Variants in SLC6A6 observed in about 807,000 individuals in gnomAD.
SLC6A6 encodes sodium- and chloride-dependent taurine transporter.
A neutral mutation model predicts 68.8 loss-of-function variants in SLC6A6; 16 were observed. The observed-to-expected ratio is 0.23, with a 90% CI of 0.16 to 0.35. SLC6A6 has a LOEUF of 0.35. Ranked by LOEUF, SLC6A6 falls within the 10% of genes least tolerant of loss-of-function variation. SLC6A6 has a pLI of 1.00. For synonymous variants in SLC6A6, 312 were observed against 315.4 expected (o/e 0.99, Z 0.12); for missense variants, 474 against 802.8 (o/e 0.59, Z 4.95).
At chr3:14,420,265 T>G (rs1699456627) in intron 2 of SLC6A6, among the ~76,000 whole-genome samples, 1 of 152,162 alleles carries the variant, frequency 6.6e-6, no homozygotes, top group Admixed American at 6.5e-5. Context: ...AAACCCCATC[T>G]CTACTAAAAA....
intron 1 of SLC6A6, among the ~76,000 whole-genome samples, chr3:14,415,900 T>G (rs1219194293): frequency 6.6e-6 from 1 of 152,196 alleles, no homozygotes; most frequent in Non-Finnish European, 1.5e-5. Flanking sequence ...CCCTTGGGAA[T>G]AGTCAGGCTA....
chr3:14,412,777 T>C (rs1288216940), intron 1 of SLC6A6, among the ~76,000 whole-genome samples: 4 of 152,192 alleles, frequency 2.6e-5, no homozygotes, highest in Admixed American at 6.5e-5. Flanking sequence ...GAGCCTCCTA[T>C]ACATTAAAAG....
intron 6 of SLC6A6, among the ~76,000 whole-genome samples, chr3:14,463,617 GCCGCCTGT>G (rs915095405): frequency 1.1e-4 from 17 of 152,228 alleles, no homozygotes; most frequent in Non-Finnish European, 1.5e-4. Flanking sequence ...GGGGCGCCTG[GCCGCCTGT>G]CCGCCTGTCC....
chr3:14,478,419 T>A, intron 11 of SLC6A6, 47 bp from the exon 12 acceptor site: 1 of 1,162,452 alleles, frequency 8.6e-7, no homozygotes, highest in Non-Finnish European at 1.3e-6. Context: ...TGAAAGAAAT[T>A]GGAGACCAGG....
Position 14,466,546 on chromosome 3 carries a change from G to A in SLC6A6, c.763G>A (p.Ala255Thr), listed in dbSNP as rs758855513. Residue 255 changes from alanine (A) to threonine (T), a missense_variant, in exon 7 of 15, where the codon GCC becomes ACC. Transcript: ENST00000622186. Reference sequence around the variant, plus strand: ...CTACTTCACAGCCACTTTTCCATTCGCCATGCTCCTGGTGCTGCTGGTCCG... The same window carrying A: ...CTACTTCACAGCCACTTTTCCATTCACCATGCTCCTGGTGCTGCTGGTCCG... ...VVYFTATFPF[A>T]MLLVLLVRGL... The A allele has an allele frequency of 2.5e-6, 4 of 1,612,414 alleles. No homozygotes were observed. The highest frequency in any genetic ancestry group is 1.1e-5 in the South Asian group (1 of 90,988).
chr3:14,407,153 G>A lies in SLC6A6; in HGVS notation c.-54+4306G>A, dbSNP rs1235441916. ...CAGCCTCGATCTCCTGGGCTCAAGT[G>A]ATCCTCCCACCTCAGCCTTCCAAGT... On this transcript the variant is annotated intron_variant, in intron 1 of 14. Coordinates refer to ENST00000622186, the MANE Select transcript of SLC6A6 (RefSeq NM_003043.6). 2.6e-5 allele frequency among the ~76,000 whole-genome samples: 4 copies of A among 151,710 alleles called. No homozygotes were observed. In the East Asian group the frequency reaches 7.8e-4, roughly 30 times the overall value.
rs751689606 is a variant in SLC6A6, at chr3:14,447,835, A to G, written c.599+19A>G. The G allele has an allele frequency of 6.2e-7, 1 of 1,613,724 alleles. No individual in the cohort carries two copies. The highest frequency in any genetic ancestry group is 1.7e-5 in the Admixed American group (1 of 59,962). On this transcript the variant is annotated intron_variant, in intron 5 of 14. Coordinates refer to ENST00000622186, the MANE Select transcript of SLC6A6 (RefSeq NM_003043.6). The stretch of plus-strand genomic sequence containing the variant: ...TCTGGGAGTAAGGCCACCTCATTGA[A>G]GCAAGGAGGAGGACATGGGTGGGGC...
At chr3:14,445,238 T>C (rs188327376) in intron 3 of SLC6A6, among the ~76,000 whole-genome samples, 2,327 of 146,396 alleles carry the variant, frequency 0.016, 22 homozygotes, top group South Asian at 0.034. Flanking sequence ...CTGACTAACA[T>C]GGTGAAACCC....
At chr3:14,421,219 G>C (rs535175600) in intron 2 of SLC6A6, among the ~76,000 whole-genome samples, 1 of 152,170 alleles carries the variant, frequency 6.6e-6, no homozygotes, top group Non-Finnish European at 1.5e-5. Context: ...TTTCTCATTT[G>C]GGGGAGATGA....
At chr3:14,420,642 C>T (rs549852307) in intron 2 of SLC6A6, among the ~76,000 whole-genome samples, 1 of 152,226 alleles carries the variant, frequency 6.6e-6, no homozygotes, top group South Asian at 2.1e-4. Flanking sequence ...ATGCATGCCT[C>T]CATGCCTGGC....
chr3:14,423,400 G>A (rs1478830738), intron 2 of SLC6A6, among the ~76,000 whole-genome samples: 1 of 152,172 alleles, frequency 6.6e-6, no homozygotes, highest in Non-Finnish European at 1.5e-5. Context: ...CTATACACCA[G>A]GCACAGTGCA....
At chr3:14,444,913 G>C in intron 3 of SLC6A6, 1 of 452,292 alleles carries the variant, frequency 2.2e-6, no homozygotes, top group South Asian at 1.6e-5. Context: ...CTTCCCCTTG[G>C]TCCCGCCCCC....
chr3:14,440,197 G>T (rs1219737297), intron 2 of SLC6A6, among the ~76,000 whole-genome samples: 1 of 152,092 alleles, frequency 6.6e-6, no homozygotes, highest in African/African-American at 2.4e-5. Flanking sequence ...TACAGATGAG[G>T]ACACTGAAGA....
At chr3:14,466,473 CAAGTGA>C (rs1700622366) in intron 6 of SLC6A6, 37 bp from the exon 7 acceptor site, 1 of 1,580,460 alleles carries the variant, frequency 6.3e-7, no homozygotes, top group African/African-American at 1.3e-5. Flanking sequence ...TTAGCAGCAG[CAAGTGA>C]TGCCCATGGC....
chr3:14,444,994 T>C (rs1700080522), intron 3 of SLC6A6: 1 of 388,688 alleles, frequency 2.6e-6, no homozygotes, highest in South Asian at 1.9e-5. Context: ...CCTCCTGCCC[T>C]GGGCAGGCCT....
chr3:14,407,329 A>G (rs1699132483), intron 1 of SLC6A6, among the ~76,000 whole-genome samples: 2 of 152,102 alleles, frequency 1.3e-5, no homozygotes. Flanking sequence ...TGTTTTTTAA[A>G]TTGAGTTATG....
chr3:14,410,226 G>A (rs915751447), intron 1 of SLC6A6, among the ~76,000 whole-genome samples: 3 of 149,538 alleles, frequency 2.0e-5, no homozygotes, highest in Non-Finnish European at 3.0e-5. Flanking sequence ...GGCTCCCTGT[G>A]CTCCCCCCTC....
intron 9 of SLC6A6, among the ~76,000 whole-genome samples, chr3:14,470,099 G>A (rs1700717584): frequency 6.6e-6 from 1 of 152,162 alleles, no homozygotes. Flanking sequence ...CAATTGAGTG[G>A]GAATCTCCAG....
In SLC6A6 at chr3:14,465,560, G is replaced by A. The variant is rs148635753; in HGVS notation, c.733-956G>A. 5.9e-5 allele frequency among the ~76,000 whole-genome samples: 9 copies of A among 152,328 alleles called. No individual in the cohort carries two copies. In the East Asian group the frequency reaches 1.7e-3, roughly 29 times the overall value. ...TTGAATCCTCAGCTCACCCCTTGTT[G>A]AGGGGCTTCTATTACTCTTATCTGA... On this transcript the variant is annotated intron_variant, in intron 6 of 14. Coordinates refer to ENST00000622186, the MANE Select transcript of SLC6A6 (RefSeq NM_003043.6).
Sources: allele counts gnomAD v4.1 joint callset (sites outside exome capture counted in the v4.1 genomes callset), GRCh38; gene constraint gnomAD v4.1.1; transcripts MANE v1.5; gene names NCBI Gene and HGNC (gene_info 2026-07-23, HGNC 2026-07-21).